Variants in SHANK2 observed in about 807,000 individuals in gnomAD.
SHANK2 encodes SH3 and multiple ankyrin repeat domains 2.
A neutral mutation model predicts 133.7 loss-of-function variants in SHANK2; 43 were observed. The ratio of observed to expected loss-of-function variants is 0.32; its 90% confidence interval spans 0.25 to 0.41. The LOEUF is 0.41. Ranked by LOEUF, SHANK2 falls within the 10% of genes least tolerant of loss-of-function variation. The pLI is 1.00. For synonymous variants in SHANK2, 1,017 were observed against 952.8 expected (o/e 1.07, Z -1.24); for missense variants, 1,994 against 2,235.8 (o/e 0.89, Z 2.18).
chr11:70,547,979 C>T (rs2059716053), intron 17 of SHANK2, among the ~76,000 whole-genome samples: 1 of 152,250 alleles, frequency 6.6e-6, no homozygotes, highest in Non-Finnish European at 1.5e-5. Flanking sequence ...GCCAGCCACA[C>T]AGAATGCCCT....
intron 14 of SHANK2, among the ~76,000 whole-genome samples, chr11:70,775,455 CAAAT>C (rs1947342343): frequency 6.6e-6 from 1 of 152,132 alleles, no homozygotes; most frequent in African/African-American, 2.4e-5. Context: ...GACTCTGTCT[CAAAT>C]GAATGAGAAA....
intron 11 of SHANK2, among the ~76,000 whole-genome samples, chr11:70,866,057 G>T (rs1949352523): frequency 6.6e-6 from 1 of 152,166 alleles, no homozygotes; most frequent in African/African-American, 2.4e-5. Context: ...TCCATGGCCT[G>T]TCCAGCATCT....
At chr11:71,234,492 C>A (rs1555123418) in intron 1 of SHANK2, among the ~76,000 whole-genome samples, 1 of 152,150 alleles carries the variant, frequency 6.6e-6, no homozygotes, top group Non-Finnish European at 1.5e-5. Context: ...GTGAGGAGTT[C>A]TGAAACAGCT....
intron 14 of SHANK2, among the ~76,000 whole-genome samples, chr11:70,768,498 G>A (rs917122197): frequency 3.3e-5 from 5 of 152,198 alleles, no homozygotes; most frequent in African/African-American, 1.2e-4. Flanking sequence ...AGGTGGCCTG[G>A]CCCTGTGGGG....
At chr11:71,193,366 T>C (rs914179385) in intron 2 of SHANK2, among the ~76,000 whole-genome samples, 1 of 152,156 alleles carries the variant, frequency 6.6e-6, no homozygotes, top group East Asian at 1.9e-4. Context: ...TACATGTATA[T>C]GTGTGCACAA....
At chr11:70,556,480 G>C (rs2059832325) in intron 17 of SHANK2, among the ~76,000 whole-genome samples, 1 of 151,560 alleles carries the variant, frequency 6.6e-6, no homozygotes, top group Admixed American at 6.6e-5. Context: ...CCAGGATGCA[G>C]GCACAGTTCA....
intron 17 of SHANK2, among the ~76,000 whole-genome samples, chr11:70,530,334 G>A (rs1470608077): frequency 6.6e-6 from 1 of 152,076 alleles, no homozygotes; most frequent in Non-Finnish European, 1.5e-5. Context: ...CCAGGAGTTC[G>A]AGATCAGCCT....
intron 11 of SHANK2, among the ~76,000 whole-genome samples, chr11:70,857,987 G>A (rs1949197549): frequency 6.6e-6 from 1 of 152,168 alleles, no homozygotes; most frequent in Non-Finnish European, 1.5e-5. Flanking sequence ...GTAGCATGAT[G>A]GATTATCTGG....
rs72944826 is a variant in SHANK2, at chr11:70,572,758, C to T, written c.2062-69827G>A. Among the ~76,000 whole-genome samples the T allele has an allele frequency of 8.0e-3, 1,222 of 152,260 alleles. 9 individuals are homozygous for T. The highest frequency in any genetic ancestry group is 0.013 in the Non-Finnish European group (905 of 68,010). On this transcript the variant is annotated intron_variant, in intron 17 of 25. Coordinates refer to ENST00000601538, the MANE Select transcript of SHANK2 (RefSeq NM_012309.5). ...GAAAAAGACGGCACACACCAAGTGC[C>T]GGCGAGGCCCAGGAGAGGCTGACCC...
chr11:70,884,215 T>C (rs1224819843), intron 11 of SHANK2, among the ~76,000 whole-genome samples: 4 of 152,108 alleles, frequency 2.6e-5, no homozygotes, highest in African/African-American at 9.7e-5. Context: ...GCTGTGATAA[T>C]AACGGGGTCA....
intron 14 of SHANK2, among the ~76,000 whole-genome samples, chr11:70,785,476 T>C (rs1947628960): frequency 6.6e-6 from 1 of 152,172 alleles, no homozygotes; most frequent in Non-Finnish European, 1.5e-5. Context: ...TTTTGCCAGC[T>C]GGCCCTGCTC....
intron 3 of SHANK2, among the ~76,000 whole-genome samples, chr11:71,128,867 C>T (rs1555103206): frequency 6.6e-6 from 1 of 152,196 alleles, no homozygotes; most frequent in Non-Finnish European, 1.5e-5. Flanking sequence ...TCACTGCAAC[C>T]TCCACCTCCT....
intron 11 of SHANK2, among the ~76,000 whole-genome samples, chr11:70,834,126 G>A (rs1284619116): frequency 2.0e-5 from 3 of 152,270 alleles, no homozygotes; most frequent in African/African-American, 7.2e-5. Context: ...TGGGGCAGGG[G>A]ATGCCCTGAT....
intron 10 of SHANK2, chr11:70,933,061 C>A (rs945991847): frequency 1.1e-5 from 5 of 449,382 alleles, no homozygotes; most frequent in Admixed American, 2.4e-5. Flanking sequence ...GGTATTTGCA[C>A]ACTCATGTCC....
intron 17 of SHANK2, among the ~76,000 whole-genome samples, chr11:70,532,068 T>C (rs2135980289): frequency 6.6e-6 from 1 of 152,300 alleles, no homozygotes; most frequent in Admixed American, 6.5e-5. Flanking sequence ...TCACTGCACC[T>C]GGGCAGAGAG....
chr11:70,712,140 G>A (rs1945800113), intron 14 of SHANK2, among the ~76,000 whole-genome samples: 1 of 152,196 alleles, frequency 6.6e-6, no homozygotes, highest in Non-Finnish European at 1.5e-5. Flanking sequence ...AGAGGCTGCG[G>A]TGTTCCTCGG....
intron 17 of SHANK2, among the ~76,000 whole-genome samples, chr11:70,654,850 G>A (rs1490805154): frequency 2.0e-5 from 3 of 150,484 alleles, no homozygotes; most frequent in African/African-American, 4.9e-5. Flanking sequence ...TCACGGCAAC[G>A]TCCGCCTCCC....
intron 14 of SHANK2, among the ~76,000 whole-genome samples, chr11:70,711,463 C>T (rs541912061): frequency 3.3e-5 from 5 of 152,324 alleles, no homozygotes; most frequent in East Asian, 3.9e-4. Flanking sequence ...GATGAAAGAC[C>T]GAAATAACTT....
intron 2 of SHANK2, among the ~76,000 whole-genome samples, chr11:71,212,350 C>T (rs547473024): frequency 1.3e-5 from 2 of 152,348 alleles, no homozygotes; most frequent in Admixed American, 1.3e-4. Flanking sequence ...TAGATAAGGT[C>T]TTAAAATCTG....
Sources: gnomAD v4.1 joint callset for allele counts (sites outside exome capture counted in the v4.1 genomes callset) on GRCh38, gnomAD v4.1.1 for gene constraint, MANE v1.5 for transcripts, NCBI Gene and HGNC (gene_info 2026-07-23, HGNC 2026-07-21) for gene names.